The following PATL2 variants were observed in gnomAD, a reference collection of about 807,000 sequenced individuals.
The protein encoded by PATL2 is protein PAT1 homolog 2.
PATL2 carries 73 observed loss-of-function variants against 77.0 expected under a neutral mutation model. The observed-to-expected ratio is 0.95, with a 90% CI of 0.78 to 1.15. The LOEUF is 1.15. Among genes scored for constraint, PATL2 ranks in the 50% most tolerant of loss-of-function variants. PATL2 has a pLI of 0.00. For synonymous variants in PATL2, 265 were observed against 257.1 expected (o/e 1.03, Z -0.29); for missense variants, 618 against 655.4 (o/e 0.94, Z 0.62).
intron 3 of PATL2, among the ~76,000 whole-genome samples, chr15:44,705,462 G>A (rs2141272134): frequency 6.6e-6 from 1 of 152,314 alleles, no homozygotes; most frequent in South Asian, 2.1e-4. Flanking sequence ...TTACAGGAGT[G>A]AGCCACTGCA....
chr15:44,676,263 C>T (rs529732046), intron 4 of PATL2: 2 of 586,300 alleles, frequency 3.4e-6, no homozygotes, highest in South Asian at 3.9e-5. Context: ...ATGAGGCTGT[C>T]CTGGGTTGTT....
rs2085824098 is a variant in PATL2 at position 44,674,025 on chromosome 15, A to G, written c.303+125T>C. On this transcript the variant is annotated intron_variant, in intron 6 of 17. Transcript: ENST00000682850. ...TTATCAAGCTCCTCTATGATGGGGC[A>G]ACTCCCACCTCCCACACCCATACCT... is the stretch of plus-strand genomic sequence containing the variant. 3.5e-6 allele frequency: 3 copies of G among 866,872 alleles called. No homozygotes were observed. In the Admixed American group the frequency reaches 8.5e-5, roughly 25 times the overall value. The allele number at this position is 866,872 out of a possible 1,614,324, so 53.7% of individuals were successfully genotyped here. A position where few individuals can be genotyped will look rare whatever the true frequency, so the allele number is the denominator to read the frequency against.
At chr15:44,667,639 T>A (rs1013429818) in intron 15 of PATL2, among the ~76,000 whole-genome samples, 21 of 152,020 alleles carry the variant, frequency 1.4e-4, no homozygotes, top group African/African-American at 4.8e-4. Context: ...TAAAATTTTC[T>A]GTCTTTTATT....
At chr15:44,706,066 T>C (rs2086730414) in intron 3 of PATL2, among the ~76,000 whole-genome samples, 1 of 152,082 alleles carries the variant, frequency 6.6e-6, no homozygotes, top group African/African-American at 2.4e-5. Flanking sequence ...TCCCAGAATG[T>C]TGGGATTACA....
Position 44,676,808 on chromosome 15 carries a change from C to T in PATL2, c.-75-243G>A, listed in dbSNP as rs540347422. 23 of 1,169,440 alleles carry T rather than the reference C, an allele frequency of 2.0e-5. No homozygotes were observed. In the African/African-American group the frequency reaches 3.3e-4, roughly 17 times the overall value. The allele number at this position is 1,169,440 out of a possible 1,614,324, so 72.4% of individuals were successfully genotyped here. On this transcript the variant is annotated intron_variant, in intron 3 of 17. Transcript: ENST00000682850. ...CTAGAAGCAGGAAGAGAAGTACTTC[C>T]CAACCGACATCACCAGTCACCGTCC...
intron 3 of PATL2, among the ~76,000 whole-genome samples, chr15:44,702,957 C>T (rs2086660352): frequency 6.6e-6 from 1 of 151,936 alleles, no homozygotes; most frequent in East Asian, 1.9e-4. Context: ...ATTCTGTAGC[C>T]ATTGGATAAA....
At chr15:44,666,771 A>C (rs552193472) in intron 16 of PATL2, 39 of 534,468 alleles carry the variant, frequency 7.3e-5, no homozygotes, top group Non-Finnish European at 1.1e-4. Context: ...CATCATCCCT[A>C]GTTTGTAGAT....
At chr15:44,673,112 G>T in intron 7 of PATL2, 123 bp downstream of exon 7, 2 of 1,275,066 alleles carry the variant, frequency 1.6e-6, no homozygotes, top group Non-Finnish European at 1.1e-6. Flanking sequence ...GACGGAATTA[G>T]ACTATACCTC....
At chr15:44,691,791 G>T (rs997234486) in intron 3 of PATL2, among the ~76,000 whole-genome samples, 1 of 152,092 alleles carries the variant, frequency 6.6e-6, no homozygotes, top group African/African-American at 2.4e-5. Context: ...AAGAGACTCT[G>T]TCTCAAATAA....
At position 44,668,420 on chromosome 15, in the gene PATL2, G is replaced by T. The variant is rs945197934; in HGVS notation, c.1287C>A (p.Leu429=). Residue 429 remains leucine (L), a synonymous_variant, in exon 15 of 18, where the codon CTC becomes CTA. Transcript: ENST00000682850. ...KCISHLTLHE[L]LQGLQGLTLL... is the part of the protein sequence containing the mutation. ...GCGTTAATCCCTGAAGTCCTTGGAG[G>T]AGTTCGTGGAGGGTCAAGTGACTAA... 1.0e-5 allele frequency: 16 copies of T among 1,551,296 alleles called. No individual in the cohort carries two copies. Among genetic ancestry groups the T allele is most frequent in the Non-Finnish European group, 1.4e-5 (16 of 1,146,988 alleles).
chr15:44,709,272 C>T (rs1222592694), intron 3 of PATL2, among the ~76,000 whole-genome samples: 2 of 152,110 alleles, frequency 1.3e-5, no homozygotes, highest in Non-Finnish European at 2.9e-5. Flanking sequence ...TTCTTGCCAA[C>T]ATTTACTACT....
chr15:44,695,388 A>G (rs910663092), intron 3 of PATL2, among the ~76,000 whole-genome samples: 3 of 152,318 alleles, frequency 2.0e-5, no homozygotes, highest in South Asian at 2.1e-4. Context: ...TGGCAGCTCC[A>G]TCTTCCCTTT....
intron 3 of PATL2, among the ~76,000 whole-genome samples, chr15:44,689,715 G>T (rs929211230): frequency 6.6e-6 from 1 of 152,094 alleles, no homozygotes; most frequent in Admixed American, 6.5e-5. Flanking sequence ...CTGTTGTGGG[G>T]TGGGGGACTA....
intron 3 of PATL2, among the ~76,000 whole-genome samples, chr15:44,690,903 C>T (rs755930301): frequency 4.6e-5 from 7 of 151,946 alleles, no homozygotes; most frequent in Non-Finnish European, 8.8e-5. Flanking sequence ...TTTGAAAATT[C>T]TTTACTTTAG....
chr15:44,668,404 C>T lies in PATL2; in HGVS notation c.1303G>A (p.Gly435Arg), dbSNP rs1344971323. 1.3e-6 allele frequency: 2 copies of T among 1,551,204 alleles called. No homozygotes were observed. The highest frequency in any genetic ancestry group is 2.0e-5 in the Admixed American group (1 of 50,982). Residue 435 changes from glycine (G) to arginine (R), a missense_variant, in exon 15 of 18, where the codon GGA becomes AGA. Physicochemically the swap from Gly to Arg is moderately radical, Grantham distance 125. Coordinates refer to ENST00000682850, the MANE Select transcript of PATL2 (RefSeq NM_001387263.1). The part of the protein sequence containing the change: ...TLHELLQGLQ[G>R]LTLLPPGSSE... ...GAGCCAGGTGGCAACAGCGTTAATC[C>T]CTGAAGTCCTTGGAGGAGTTCGTGG...
chr15:44,676,040 C>G (rs1364345978), intron 4 of PATL2: 1 of 320,178 alleles, frequency 3.1e-6, no homozygotes, highest in African/African-American at 2.2e-5. Context: ...AAAAAGCAAA[C>G]AAAAGGAACC....
intron 9 of PATL2, 111 bp from the exon 10 acceptor site, chr15:44,670,198 T>C (rs1372081295): frequency 7.1e-7 from 1 of 1,409,870 alleles, no homozygotes; most frequent in Non-Finnish European, 9.5e-7. Flanking sequence ...TTTTTGTGTG[T>C]GTTATAAGTT....
chr15:44,692,102 A>G (rs1170986402), intron 3 of PATL2, among the ~76,000 whole-genome samples: 1 of 152,240 alleles, frequency 6.6e-6, no homozygotes, highest in Non-Finnish European at 1.5e-5. Flanking sequence ...TACACTGTCC[A>G]TGATAAACGG....
intron 3 of PATL2, among the ~76,000 whole-genome samples, chr15:44,706,811 C>T (rs2086746763): frequency 6.6e-6 from 1 of 152,208 alleles, no homozygotes; most frequent in Non-Finnish European, 1.5e-5. Flanking sequence ...GGTGGCAAAG[C>T]CAGCCAAGCT....
Sources: allele counts gnomAD v4.1 joint callset (sites outside exome capture counted in the v4.1 genomes callset), GRCh38; gene constraint gnomAD v4.1.1; transcripts MANE v1.5; gene names NCBI Gene and HGNC (gene_info 2026-07-23, HGNC 2026-07-21).